The following CUX1 variants were observed in gnomAD, a reference collection of about 807,000 sequenced individuals.
CUX1 encodes protein CASP.
Under a neutral mutation model 158.8 loss-of-function variants are expected in CUX1, and 31 were observed. The observed-to-expected ratio is 0.20, with a 90% CI of 0.15 to 0.26. The LOEUF is 0.26. CUX1 is among the 10% of genes least tolerant of loss of function. CUX1 has a pLI of 1.00. For missense variants in CUX1, 1,589 were observed against 2,014.6 expected, an observed-to-expected ratio of 0.79 and a Z score of 4.04; for synonymous variants, 879 against 862.1, an observed-to-expected ratio of 1.02 and a Z score of -0.34.
intron 7 of CUX1, among the ~76,000 whole-genome samples, chr7:102,112,376 G>A (rs541686790): frequency 1.4e-4 from 21 of 148,696 alleles, no homozygotes; most frequent in African/African-American, 5.3e-4. Context: ...CGAGTAGCTG[G>A]GGCTACAGGC....
intron 2 of CUX1, among the ~76,000 whole-genome samples, chr7:101,923,107 C>G (rs1181215567): frequency 6.6e-6 from 1 of 152,210 alleles, no homozygotes; most frequent in Non-Finnish European, 1.5e-5. Context: ...TGACCTGCAG[C>G]CCCGGCTCAC....
At chr7:102,132,137 G>C (rs1196585591) in intron 8 of CUX1, among the ~76,000 whole-genome samples, 1 of 142,780 alleles carries the variant, frequency 7.0e-6, no homozygotes, top group Non-Finnish European at 1.5e-5. Flanking sequence ...TGTGGAGATG[G>C]ATGGGCGGGT....
In CUX1 at chr7:102,018,514, G is replaced by A. The variant is rs140823083; in HGVS notation, c.142-9584G>A. 7.9e-5 allele frequency among the ~76,000 whole-genome samples: 12 copies of A among 152,234 alleles called. No homozygotes were observed. In the East Asian group the frequency reaches 9.7e-4, roughly 12 times the overall value. ...TCCAGCCCAGGGTACTGGAGCTGGC[G>A]CTTGCATGCCCCTCTCACTGGGGTG... On this transcript the variant is annotated intron_variant, in intron 2 of 23. Coordinates refer to ENST00000292535, the MANE Select transcript of CUX1 (RefSeq NM_181552.4).
intron 1 of CUX1, among the ~76,000 whole-genome samples, chr7:101,833,564 A>G (rs1280953372): frequency 6.9e-6 from 1 of 145,470 alleles, no homozygotes; most frequent in Non-Finnish European, 1.5e-5. Context: ...CTGTCTCTTA[A>G]AAAAAAAAAA....
intron 4 of CUX1, among the ~76,000 whole-genome samples, chr7:102,080,855 G>A (rs1052785362): frequency 2.0e-5 from 3 of 152,186 alleles, no homozygotes; most frequent in Non-Finnish European, 4.4e-5. Flanking sequence ...TTGCATTAAA[G>A]TCCCAGAGCG....
At chr7:102,050,277 C>T (rs1823327694) in intron 3 of CUX1, among the ~76,000 whole-genome samples, 1 of 152,194 alleles carries the variant, frequency 6.6e-6, no homozygotes, top group Non-Finnish European at 1.5e-5. Context: ...GTTATATGCA[C>T]ATGTTTAAAG....
chr7:101,878,293 G>T (rs1799365481), intron 1 of CUX1, among the ~76,000 whole-genome samples: 1 of 152,188 alleles, frequency 6.6e-6, no homozygotes, highest in Non-Finnish European at 1.5e-5. Flanking sequence ...CCACTTCCTT[G>T]TAGGAAACAG....
At chr7:101,956,881 C>T (rs1212525506) in intron 2 of CUX1, among the ~76,000 whole-genome samples, 1 of 152,024 alleles carries the variant, frequency 6.6e-6, no homozygotes, top group Non-Finnish European at 1.5e-5. Context: ...CCAGGGAGGT[C>T]GAGGTTGTGG....
At chr7:102,190,107 C>T (rs1554516573) in intron 12 of CUX1, among the ~76,000 whole-genome samples, 2 of 152,232 alleles carry the variant, frequency 1.3e-5, no homozygotes, top group Non-Finnish European at 2.9e-5. Flanking sequence ...CTGTGCATTG[C>T]AGGTATTCCA....
intron 4 of CUX1, among the ~76,000 whole-genome samples, chr7:102,080,295 G>A (rs1827231773): frequency 6.6e-6 from 1 of 152,150 alleles, no homozygotes; most frequent in Admixed American, 6.5e-5. Flanking sequence ...GACCGGGGTG[G>A]TCCTGGCACG....
intron 2 of CUX1, among the ~76,000 whole-genome samples, chr7:101,971,582 G>A (rs1481787660): frequency 6.6e-6 from 1 of 152,212 alleles, no homozygotes; most frequent in East Asian, 1.9e-4. Flanking sequence ...ACTTTGTAAA[G>A]ATGAGATACA....
At chr7:102,138,375 A>T (rs1380182625) in intron 8 of CUX1, among the ~76,000 whole-genome samples, 1 of 151,854 alleles carries the variant, frequency 6.6e-6, no homozygotes, top group African/African-American at 2.4e-5. Flanking sequence ...TTTCTAATTC[A>T]CAGTATCTCT....
At chr7:102,174,982 AG>A (rs1792149820) in intron 10 of CUX1, among the ~76,000 whole-genome samples, 1 of 152,126 alleles carries the variant, frequency 6.6e-6, no homozygotes, top group Non-Finnish European at 1.5e-5. Flanking sequence ...AGATAGAGGG[AG>A]GATGGTCATG....
intron 19 of CUX1, chr7:102,280,167 G>A (rs1554548865): frequency 7.8e-7 from 1 of 1,285,368 alleles, no homozygotes; most frequent in Non-Finnish European, 1.1e-6. Flanking sequence ...CATCAGCCCA[G>A]GGAAGCCCAG....
At chr7:102,040,381 G>T (rs1821927105) in intron 3 of CUX1, among the ~76,000 whole-genome samples, 1 of 152,164 alleles carries the variant, frequency 6.6e-6, no homozygotes, top group East Asian at 1.9e-4. Flanking sequence ...GCTCTGCAGG[G>T]ATGGGCTTGC....
At chr7:101,827,973 GT>G (rs112801049) in intron 1 of CUX1, among the ~76,000 whole-genome samples, 49,758 of 98,646 alleles carry the variant, frequency 0.5, 11,741 homozygotes, top group African/African-American at 0.65. Flanking sequence ...GGTATAACTT[GT>G]TTTTTTTTTT....
intron 3 of CUX1, among the ~76,000 whole-genome samples, chr7:102,066,556 GGAGACGCAGCCACCCGGTACCCT>G (rs1252551348): frequency 6.6e-6 from 1 of 152,160 alleles, no homozygotes; most frequent in Non-Finnish European, 1.5e-5. Context: ...CTTGCCTCCA[GGAGACGCAGCCACCCGGTACCCT>G]GAGTCGGAAT....
At chr7:102,261,093 G>C (rs1458695669), downstream of CUX1, among the ~76,000 whole-genome samples, 2 of 152,250 alleles carry the variant, frequency 1.3e-5, no homozygotes, top group African/African-American at 4.8e-5. Context: ...GCAGTGTGGA[G>C]TGACCGGCCT....
At chr7:102,049,530 T>C (rs1563176086) in intron 3 of CUX1, among the ~76,000 whole-genome samples, 1 of 152,146 alleles carries the variant, frequency 6.6e-6, no homozygotes, top group East Asian at 1.9e-4. Flanking sequence ...TACACTGTCT[T>C]CCAGCATAAC....
Sources: allele counts gnomAD v4.1 joint callset (sites outside exome capture counted in the v4.1 genomes callset), GRCh38; gene constraint gnomAD v4.1.1; transcripts MANE v1.5; gene names NCBI Gene and HGNC (gene_info 2026-07-23, HGNC 2026-07-21).